Variants in MS4A10 observed in about 807,000 individuals in gnomAD.
MS4A10 encodes membrane spanning 4-domains A10, also known as membrane-spanning 4-domains subfamily A member 10.
MS4A10 carries 27 observed loss-of-function variants against 27.7 expected under a neutral mutation model. That is an observed-to-expected ratio of 0.98 (90% CI 0.72 to 1.35). The LOEUF is 1.35. MS4A10 is among the 40% of genes most tolerant of loss of function. The pLI is 0.00. For missense variants in MS4A10, 338 were observed against 324.7 expected (o/e 1.04, Z -0.32); for synonymous variants, 139 against 131.2 (o/e 1.06, Z -0.41).
In MS4A10 at chr11:60,790,465, C is replaced by T; in HGVS notation, c.130C>T (p.Pro44Ser). 1.2e-6 allele frequency: 2 copies of T among 1,614,168 alleles called. No homozygotes were observed. Among genetic ancestry groups the T allele is most frequent in the Non-Finnish European group, 1.7e-6 (2 of 1,180,026 alleles). Residue 44 changes from proline (P) to serine (S), a missense_variant, in exon 2 of 8, where the codon CCA (proline) becomes TCA (serine). By Grantham distance (74) the Pro-to-Ser change is moderately conservative. Transcript: ENST00000308287. Reference sequence around the variant, plus strand: ...CACGACCCAGCCCAAGCTCCTGGCTCCACACCAGCACGAGAAGTCCCAGAA... The same window carrying T: ...CACGACCCAGCCCAAGCTCCTGGCTTCACACCAGCACGAGAAGTCCCAGAA... ...QNTTQPKLLA[P>S]HQHEKSQKKS... is the part of the protein sequence containing the mutation.
rs10750944 is a variant in MS4A10, at chr11:60,800,394, A to G, written c.*485A>G. 68,181 of 154,548 alleles carry G rather than the reference A, an allele frequency of 0.44. 16,067 individuals carry two copies. Among genetic ancestry groups the G allele is most frequent in the East Asian group, 0.83 (4,398 of 5,280 alleles). 9.6% of individuals were successfully genotyped at this position (154,548 alleles called of 1,614,324 possible). A position where few individuals can be genotyped will look rare whatever the true frequency, so the allele number is the denominator to read the frequency against. ...TCAAACTCCTGACCTCAGGTGATCC[A>G]CCTGCCTCAGCCTCCCAAAGTGCTG... On this transcript the variant is annotated 3_prime_UTR_variant, in exon 8 of 8. Transcript: ENST00000308287.
chr11:60,790,422 G>A lies in MS4A10; in HGVS notation c.87G>A (p.Gln29=), dbSNP rs1039713165. 1.2e-6 allele frequency: 2 copies of A among 1,614,182 alleles called. No homozygotes were observed. Among genetic ancestry groups the A allele is most frequent in the East Asian group, 2.2e-5 (1 of 44,862 alleles). Residue 29 remains glutamine (Q), a synonymous_variant, in exon 2 of 8, where the codon CAG becomes CAA. Coordinates refer to ENST00000308287, the MANE Select transcript of MS4A10 (RefSeq NM_206893.4). The part of the protein sequence containing the change: ...WQVLSPVQPW[Q]TSAPQNTTQP... Reference sequence around the variant, plus strand: ...TCCTCAGCCCAGTCCAGCCCTGGCAGACAAGTGCACCCCAGAACACGACCC... The same window carrying A: ...TCCTCAGCCCAGTCCAGCCCTGGCAAACAAGTGCACCCCAGAACACGACCC...
chr11:60,795,681 G>A lies in MS4A10; in HGVS notation c.603+16G>A, dbSNP rs1363204972. On this transcript the variant is annotated intron_variant, in intron 6 of 7. Transcript: ENST00000308287. ...ATCTGCAAAGGTAAGACAAGGGCTT[G>A]TCTTCCCAGGAAGACAAAAAATGGG... 9 of 1,519,458 alleles carry A rather than the reference G, an allele frequency of 5.9e-6. No individual in the cohort carries two copies. The highest frequency in any genetic ancestry group is 7.9e-6 in the Non-Finnish European group (9 of 1,132,584). The allele number at this position is 1,519,458 out of a possible 1,614,324, so 94.1% of individuals were successfully genotyped here.
intron 5 of MS4A10, among the ~76,000 whole-genome samples, chr11:60,794,579 G>A (rs74611965): frequency 0.015 from 2,345 of 152,310 alleles, 62 homozygotes; most frequent in African/African-American, 0.054. Context: ...TTGACTCCAA[G>A]CCTGGTGCTC....
At chr11:60,787,991 T>G (rs1193791520) in intron 1 of MS4A10, among the ~76,000 whole-genome samples, 1 of 152,072 alleles carries the variant, frequency 6.6e-6, no homozygotes, top group Admixed American at 6.5e-5. Context: ...CACTCCAGCC[T>G]GGGTGACAAG....
intron 6 of MS4A10, 49 bp from the exon 7 acceptor site, chr11:60,798,347 A>G (rs766869703): frequency 2.2e-6 from 3 of 1,390,872 alleles, no homozygotes; most frequent in Non-Finnish European, 1.0e-6. Flanking sequence ...GGAAGCAGCC[A>G]GTCGCTCCAC....
intron 1 of MS4A10, among the ~76,000 whole-genome samples, chr11:60,786,750 G>A (rs150835552): frequency 4.9e-4 from 74 of 152,228 alleles, no homozygotes; most frequent in African/African-American, 1.6e-3. Flanking sequence ...TTCTAGACAC[G>A]CAACAGGCCA....
chr11:60,791,265 A>G (rs1013585379), intron 3 of MS4A10, among the ~76,000 whole-genome samples, 172 bp downstream of exon 3: 3 of 152,190 alleles, frequency 2.0e-5, no homozygotes, highest in African/African-American at 7.2e-5. Context: ...CTTAGTCACA[A>G]TGGAAATAGC....
chr11:60,794,967 G>A (rs1033681515), intron 5 of MS4A10, among the ~76,000 whole-genome samples: 3 of 152,186 alleles, frequency 2.0e-5, no homozygotes, highest in South Asian at 2.1e-4. Flanking sequence ...TTACAGGCGT[G>A]AGCCACCATG....
chr11:60,788,148 G>A (rs1854370584), intron 1 of MS4A10, among the ~76,000 whole-genome samples: 1 of 152,126 alleles, frequency 6.6e-6, no homozygotes, highest in African/African-American at 2.4e-5. Context: ...TTTAATATGA[G>A]AAAAAGGGAG....
intron 3 of MS4A10, 43 bp from the exon 4 acceptor site, chr11:60,792,222 G>T: frequency 1.9e-6 from 3 of 1,545,842 alleles, no homozygotes; most frequent in African/African-American, 1.4e-5. Flanking sequence ...GGGTTTTGAG[G>T]AACCCCAGCT....
At chr11:60,793,871 C>A (rs1199361553) in intron 4 of MS4A10, 101 bp from the exon 5 acceptor site, 10 of 1,363,798 alleles carry the variant, frequency 7.3e-6, no homozygotes, top group Non-Finnish European at 9.2e-6. Flanking sequence ...GGCAGAGTCT[C>A]TCCTGAGGCT....
intron 6 of MS4A10, among the ~76,000 whole-genome samples, chr11:60,796,822 A>G (rs1460512932): frequency 1.3e-5 from 2 of 152,196 alleles, no homozygotes; most frequent in Non-Finnish European, 2.9e-5. Flanking sequence ...ACAGTTCAGG[A>G]TAAGGATGTT....
At position 60,796,220 on chromosome 11, in the gene MS4A10, T is replaced by G. The variant is rs1005303608; in HGVS notation, c.603+555T>G. Among the ~76,000 whole-genome samples, 7 of 67,856 alleles carry G rather than the reference T, an allele frequency of 1.0e-4. No individual in the cohort carries two copies. In the South Asian group the frequency reaches 2.5e-3, roughly 25 times the overall value. 44.5% of individuals were successfully genotyped at this position (67,856 alleles called of 152,430 possible). On this transcript the variant is annotated intron_variant, in intron 6 of 7. Transcript: ENST00000308287. The stretch of plus-strand genomic sequence containing the variant: ...TTGATGGATGGATGGATGGATGATG[T>G]ATGGATGGATATAGACGTGCAGATA...
intron 1 of MS4A10, among the ~76,000 whole-genome samples, chr11:60,786,189 G>GCACACA (rs552507721): frequency 1.6e-5 from 2 of 127,320 alleles, no homozygotes; most frequent in East Asian, 4.3e-4. Flanking sequence ...ACACACACAC[G>GCACACA]CACACACACA....
At chr11:60,795,735 GA>G in intron 6 of MS4A10, 70 bp downstream of exon 6, 1 of 981,516 alleles carries the variant, frequency 1.0e-6, no homozygotes, top group South Asian at 2.0e-5. Context: ...GCTCAGAAAG[GA>G]AAGATATGTG....
intron 1 of MS4A10, among the ~76,000 whole-genome samples, chr11:60,788,991 T>C (rs1260770130): frequency 6.6e-6 from 1 of 152,230 alleles, no homozygotes; most frequent in Non-Finnish European, 1.5e-5. Context: ...CGGCATACAG[T>C]GCTCACCCAA....
intron 1 of MS4A10, among the ~76,000 whole-genome samples, chr11:60,787,095 G>A (rs904583059): frequency 4.6e-5 from 7 of 152,152 alleles, no homozygotes; most frequent in Non-Finnish European, 1.0e-4. Context: ...GGAACAACGA[G>A]AATATGTGTG....
At position 60,790,319 on chromosome 11, in the gene MS4A10, G is replaced by GC; in HGVS notation, c.-12dup. On this transcript the variant is annotated 5_prime_UTR_variant, in exon 2 of 8. Transcript: ENST00000308287. ...CCTTCCTCCCCGTCCTGCAGCCAGG[G>GC]CCCCCATCCAGCATCAATGAAAGCA... The GC allele has an allele frequency of 6.2e-7, 1 of 1,612,894 alleles. No homozygotes were observed. The highest frequency in any genetic ancestry group is 8.5e-7 in the Non-Finnish European group (1 of 1,179,302).
Sources: allele counts gnomAD v4.1 joint callset (sites outside exome capture counted in the v4.1 genomes callset), GRCh38; gene constraint gnomAD v4.1.1; transcripts MANE v1.5; gene names NCBI Gene and HGNC (gene_info 2026-07-23, HGNC 2026-07-21).